CTDSP2: variants seen among roughly 807,000 people sequenced by gnomAD.
CTDSP2 encodes the protein carboxy-terminal domain RNA polymerase II polypeptide A small phosphatase 2.
In CTDSP2, 9 loss-of-function variants were observed where a neutral mutation model predicts 31.6. The ratio of observed to expected loss-of-function variants is 0.28; its 90% CI spans 0.17 to 0.50. The LOEUF (loss-of-function observed/expected upper bound fraction) is 0.50. CTDSP2 is among the 20% of genes least tolerant of loss of function. CTDSP2 has a pLI of 0.98. For missense variants in CTDSP2, 267 were observed against 348.5 expected (o/e 0.77, Z 1.86); for synonymous variants, 134 against 134.5 (o/e 1.00, Z 0.03).
At chr12:57,828,496 C>T (rs189526607) in intron 2 of CTDSP2, among the ~76,000 whole-genome samples, 179 of 152,060 alleles carry the variant, frequency 1.2e-3, no homozygotes, top group Middle Eastern at 6.8e-3. Context: ...AATCCTAGCA[C>T]TTAGATAAAC....
intron 1 of CTDSP2, among the ~76,000 whole-genome samples, chr12:57,835,405 C>T (rs919857160): frequency 2.0e-5 from 3 of 152,086 alleles, no homozygotes; most frequent in Non-Finnish European, 4.4e-5. Context: ...AATCCTCCTG[C>T]CTCATCCTCT....
At chr12:57,844,163 C>G (rs1466265488) in intron 1 of CTDSP2, among the ~76,000 whole-genome samples, 1 of 152,150 alleles carries the variant, frequency 6.6e-6, no homozygotes, top group Non-Finnish European at 1.5e-5. Flanking sequence ...CCACTGCACT[C>G]TAGCCTGGGC....
intron 2 of CTDSP2, among the ~76,000 whole-genome samples, chr12:57,827,796 G>T (rs1464891310): frequency 6.6e-6 from 1 of 152,162 alleles, no homozygotes; most frequent in Non-Finnish European, 1.5e-5. Context: ...TAGGCCTGAT[G>T]AAGGATGGAG....
chr12:57,823,585 C>CT lies in CTDSP2; in HGVS notation c.*16dup, dbSNP rs546842494. On this transcript the variant is annotated 3_prime_UTR_variant, in exon 8 of 8. Transcript: ENST00000398073. ...AAGTCCCCTACTGGGATGGCCGTCG[C>CT]TTGGAAGCAGGGCAGGCTAAGGGGC... 7.4e-4 allele frequency: 1,199 copies of CT among 1,613,296 alleles called. 4 individuals carry two copies. The highest frequency in any genetic ancestry group is 2.0e-3 in the South Asian group (183 of 91,008).
At position 57,820,323 on chromosome 12, in the gene CTDSP2, AAGAC is replaced by A. The variant is rs1305196702; in HGVS notation, c.*3275_*3278del. On this transcript the variant is annotated 3_prime_UTR_variant, in exon 8 of 8. Coordinates refer to ENST00000398073, the MANE Select transcript of CTDSP2 (RefSeq NM_005730.4). ...CCAGCATTTAGAAAAAAGGAGAAAAAAGACAGAACTAAACCCGTTTAGGAAAAAG... is the reference window on the plus strand; with the variant it reads ...CCAGCATTTAGAAAAAAGGAGAAAAAAGAACTAAACCCGTTTAGGAAAAAG... 5.3e-5 allele frequency: 8 copies of A among 152,318 alleles called. No homozygotes were observed. The highest frequency in any genetic ancestry group is 1.9e-4 in the East Asian group (1 of 5,184). 9.4% of individuals were successfully genotyped at this position (152,318 alleles called of 1,614,324 possible).
At chr12:57,824,721 G>A (rs532488808) in intron 5 of CTDSP2, 17 of 532,358 alleles carry the variant, frequency 3.2e-5, no homozygotes, top group East Asian at 1.1e-4. Context: ...CCTTGGCTCC[G>A]ACAGGACAGT....
chr12:57,843,573 T>C (rs867718410), intron 1 of CTDSP2, among the ~76,000 whole-genome samples: 2 of 152,030 alleles, frequency 1.3e-5, no homozygotes, highest in African/African-American at 4.8e-5. Context: ...CTTCACTAAA[T>C]AGCCACCCAA....
rs766225693 is a variant in CTDSP2 at position 57,820,701 on chromosome 12, A to G, written c.*2901T>C. The G allele has an allele frequency of 5.2e-5, 8 of 152,532 alleles. No homozygotes were observed. Among genetic ancestry groups the G allele is most frequent in the Non-Finnish European group, 1.0e-4 (7 of 68,016 alleles). The allele number at this position is 152,532 out of a possible 1,614,324, so 9.4% of individuals were successfully genotyped here. ...TGTTAACTGAAGGCAAATTCACTCA[A>G]CCTCTCTAGTAAGGGACCCATGGGC... On this transcript the variant is annotated 3_prime_UTR_variant, in exon 8 of 8. Coordinates refer to ENST00000398073, the MANE Select transcript of CTDSP2 (RefSeq NM_005730.4).
In CTDSP2 at chr12:57,821,687, A is replaced by C. The variant is rs753660497; in HGVS notation, c.*1915T>G. On this transcript the variant is annotated 3_prime_UTR_variant, in exon 8 of 8. Transcript: ENST00000398073. ...CTCCTGCTTTCCTTCAAGAGACAGT[A>C]TATTTCTGGCTAGCACATGGGGTCC... is the stretch of plus-strand genomic sequence containing the variant. 2.0e-5 allele frequency: 3 copies of C among 152,220 alleles called. No homozygotes were observed. The highest frequency in any genetic ancestry group is 7.2e-5 in the African/African-American group (3 of 41,454). The allele number at this position is 152,220 out of a possible 1,614,324, so 9.4% of individuals were successfully genotyped here. A position where few individuals can be genotyped will look rare whatever the true frequency, so the allele number is the denominator to read the frequency against.
chr12:57,836,431 G>A (rs897979031), intron 1 of CTDSP2, among the ~76,000 whole-genome samples: 4 of 152,156 alleles, frequency 2.6e-5, no homozygotes, highest in Non-Finnish European at 5.9e-5. Flanking sequence ...AAGCTGGGCC[G>A]GTTGGATCAC....
intron 1 of CTDSP2, among the ~76,000 whole-genome samples, chr12:57,838,177 C>T (rs1051311260): frequency 6.6e-6 from 1 of 152,154 alleles, no homozygotes; most frequent in Non-Finnish European, 1.5e-5. Flanking sequence ...GGAGGCGTTT[C>T]CTCATAGACA....
At chr12:57,839,669 G>C in intron 1 of CTDSP2, among the ~76,000 whole-genome samples, 1 of 151,954 alleles carries the variant, frequency 6.6e-6, no homozygotes, top group Admixed American at 6.6e-5. Flanking sequence ...AGTGAGCTGA[G>C]ATCGAGATCG....
In CTDSP2 at chr12:57,823,537, G is replaced by A; in HGVS notation, c.*65C>T. On this transcript the variant is annotated 3_prime_UTR_variant, in exon 8 of 8. Coordinates refer to ENST00000398073, the MANE Select transcript of CTDSP2 (RefSeq NM_005730.4). ...ACTCCAGCTTCTACTCTGTCACGCT[G>A]ATCGTAAAGGCACAGTGTGGGAAAG... The A allele has an allele frequency of 6.3e-7, 1 of 1,585,884 alleles. No homozygotes were observed. Among genetic ancestry groups the A allele is most frequent in the Non-Finnish European group, 8.6e-7 (1 of 1,165,390 alleles).
intron 2 of CTDSP2, among the ~76,000 whole-genome samples, chr12:57,828,674 T>A (rs560886427): frequency 6.6e-6 from 1 of 152,374 alleles, no homozygotes; most frequent in Admixed American, 6.5e-5. Context: ...CATGTTGTAT[T>A]TTATTTAACC....
Position 57,823,558 on chromosome 12 carries a change from G to GA in CTDSP2, c.*43dup. The GA allele has an allele frequency of 6.2e-7, 1 of 1,608,400 alleles. No homozygotes were observed. Among genetic ancestry groups the GA allele is most frequent in the Middle Eastern group, 1.7e-4 (1 of 6,050 alleles). ...CGCTGATCGTAAAGGCACAGTGTGG[G>GA]AAAGTCCCCTACTGGGATGGCCGTC... is the stretch of plus-strand genomic sequence containing the variant. On this transcript the variant is annotated 3_prime_UTR_variant, in exon 8 of 8. Transcript: ENST00000398073.
In CTDSP2 at chr12:57,822,099, A is replaced by G. The variant is rs1252471601; in HGVS notation, c.*1503T>C. On this transcript the variant is annotated 3_prime_UTR_variant, in exon 8 of 8. Coordinates refer to ENST00000398073, the MANE Select transcript of CTDSP2 (RefSeq NM_005730.4). ...GAGATGGGAACAGGAGCGCCCTCCC[A>G]CCCCAGGAGGAGGGAGGGAGGGAGG... 2 of 151,782 alleles carry G rather than the reference A, an allele frequency of 1.3e-5. No homozygotes were observed. Among genetic ancestry groups the G allele is most frequent in the Non-Finnish European group, 2.9e-5 (2 of 67,902 alleles). 9.4% of individuals were successfully genotyped at this position (151,782 alleles called of 1,614,324 possible). A position where few individuals can be genotyped will look rare whatever the true frequency, so the allele number is the denominator to read the frequency against.
chr12:57,846,141 G>A (rs1373568173), intron 1 of CTDSP2, among the ~76,000 whole-genome samples: 1 of 152,216 alleles, frequency 6.6e-6, no homozygotes, highest in East Asian at 1.9e-4. Flanking sequence ...GCGGGACAGG[G>A]TGACAGCTGC....
At chr12:57,824,652 G>A (rs761760153) in intron 5 of CTDSP2, 1 of 555,068 alleles carries the variant, frequency 1.8e-6, no homozygotes, top group Non-Finnish European at 3.6e-6. Context: ...CCTCACAGAT[G>A]GAAACAGCCT....
In CTDSP2 at chr12:57,822,561, G is replaced by A. The variant is rs1482997553; in HGVS notation, c.*1041C>T. The A allele has an allele frequency of 6.6e-6, 1 of 152,320 alleles. No individual in the cohort carries two copies. Among genetic ancestry groups the A allele is most frequent in the African/African-American group, 2.4e-5 (1 of 41,446 alleles). The allele number at this position is 152,320 out of a possible 1,614,324, so 9.4% of individuals were successfully genotyped here. A position where few individuals can be genotyped will look rare whatever the true frequency, so the allele number is the denominator to read the frequency against. ...AAGAGCCCTGCCCAAGAAATGGGAG[G>A]GGCTGGGACAGCTTAGTTTTTCCCA... On this transcript the variant is annotated 3_prime_UTR_variant, in exon 8 of 8. Coordinates refer to ENST00000398073, the MANE Select transcript of CTDSP2 (RefSeq NM_005730.4).
Sources: allele counts gnomAD v4.1 joint callset (sites outside exome capture counted in the v4.1 genomes callset), GRCh38; gene constraint gnomAD v4.1.1; transcripts MANE v1.5; gene names NCBI Gene and HGNC (gene_info 2026-07-23, HGNC 2026-07-21).